The following CDH12 variants were observed in gnomAD, a reference collection of about 807,000 sequenced individuals.
CDH12 encodes the protein cadherin-12.
A neutral mutation model predicts 74.1 loss-of-function variants in CDH12; 41 were observed. The observed-to-expected ratio is 0.55, with a 90% CI of 0.43 to 0.72. CDH12 has a LOEUF of 0.72. Among genes scored for constraint, CDH12 ranks in the 30% least tolerant of loss-of-function variants. The pLI is 0.00. For missense variants in CDH12, 945 were observed against 977.2 expected, an observed-to-expected ratio of 0.97 and a Z score of 0.44; for synonymous variants, 399 against 355.0, an observed-to-expected ratio of 1.12 and a Z score of -1.39.
chr5:22,736,304 T>C lies in CDH12; in HGVS notation c.-523+116754A>G, dbSNP rs116801518. 2.9e-3 allele frequency among the ~76,000 whole-genome samples: 441 copies of C among 151,942 alleles called. 1 individual carries two copies. The highest frequency in any genetic ancestry group is 0.01 in the African/African-American group (418 of 41,544). On this transcript the variant is annotated intron_variant, in intron 1 of 14. Transcript: ENST00000382254. ...TTAGTATAATTACATAATTTGTGTA[T>C]ATAGATGAATGTGTATATATGTATT...
intron 1 of CDH12, among the ~76,000 whole-genome samples, chr5:22,753,553 A>G (rs1462477374): frequency 6.8e-6 from 1 of 146,632 alleles, no homozygotes; most frequent in Non-Finnish European, 1.5e-5. Flanking sequence ...AGGATCTAGT[A>G]TGCTTTGAAA....
At chr5:22,004,803 T>C (rs2150147067) in intron 5 of CDH12, among the ~76,000 whole-genome samples, 1 of 152,258 alleles carries the variant, frequency 6.6e-6, no homozygotes, top group African/African-American at 2.4e-5. Flanking sequence ...ATCTCCCTCC[T>C]ATCCTCCCCA....
chr5:22,137,086 C>A (rs1036682681), intron 4 of CDH12, among the ~76,000 whole-genome samples: 7 of 151,384 alleles, frequency 4.6e-5, no homozygotes, highest in Non-Finnish European at 8.8e-5. Flanking sequence ...TTTAATCTGG[C>A]CTTACAGTAT....
intron 4 of CDH12, among the ~76,000 whole-genome samples, chr5:22,206,493 T>C (rs1447614755): frequency 1.3e-5 from 2 of 152,056 alleles, no homozygotes; most frequent in Non-Finnish European, 1.5e-5. Flanking sequence ...GTTTCTTTTC[T>C]ACAGCTGAAA....
intron 2 of CDH12, among the ~76,000 whole-genome samples, chr5:22,419,502 A>G (rs1434800088): frequency 1.3e-5 from 2 of 152,128 alleles, no homozygotes; most frequent in Non-Finnish European, 1.5e-5. Context: ...ATGGCTGCAT[A>G]GTATTCCATG....
At chr5:21,963,703 T>C (rs1189661557) in intron 6 of CDH12, among the ~76,000 whole-genome samples, 1 of 152,140 alleles carries the variant, frequency 6.6e-6, no homozygotes, top group East Asian at 1.9e-4. Flanking sequence ...CTTTAGTCTG[T>C]TGGTAGAATT....
At chr5:22,386,109 C>T (rs1741988063) in intron 3 of CDH12, among the ~76,000 whole-genome samples, 1 of 151,982 alleles carries the variant, frequency 6.6e-6, no homozygotes, top group African/African-American at 2.4e-5. Context: ...TGAGACTGGT[C>T]TCAAACTCCC....
At chr5:22,139,018 A>C (rs1580309708) in intron 4 of CDH12, among the ~76,000 whole-genome samples, 2 of 150,902 alleles carry the variant, frequency 1.3e-5, no homozygotes, top group African/African-American at 4.8e-5. Flanking sequence ...TACTCCTATA[A>C]CTTTTCTCCC....
chr5:21,954,633 G>A (rs550063027), intron 6 of CDH12, among the ~76,000 whole-genome samples: 3 of 152,020 alleles, frequency 2.0e-5, no homozygotes, highest in African/African-American at 7.2e-5. Flanking sequence ...AATAATCAGA[G>A]CATCTGCCTA....
At position 22,651,699 on chromosome 5, in the gene CDH12, T is replaced by TG. The variant is rs1341431763; in HGVS notation, c.-522-146336dup. On this transcript the variant is annotated intron_variant, in intron 1 of 14. Coordinates refer to ENST00000382254, the MANE Select transcript of CDH12 (RefSeq NM_004061.5). ...AGCTAAGGAGTAGTTGATAGGATGGTGGTTTTTTTTTTTTCAGAGTAATAA... is the reference window on the plus strand; with the variant it reads ...AGCTAAGGAGTAGTTGATAGGATGGTGGGTTTTTTTTTTTTCAGAGTAATAA... Among the ~76,000 whole-genome samples the TG allele has an allele frequency of 2.1e-5, 3 of 143,548 alleles. No homozygotes were observed. The Admixed American group carries it at 2.4e-4, about 11-fold the overall frequency. The allele number at this position is 143,548 out of a possible 152,430, so 94.2% of individuals were successfully genotyped here. A position where few individuals can be genotyped will look rare whatever the true frequency, so the allele number is the denominator to read the frequency against.
intron 3 of CDH12, among the ~76,000 whole-genome samples, chr5:22,317,101 C>T (rs116595903): frequency 0.025 from 3,840 of 152,052 alleles, 70 homozygotes; most frequent in African/African-American, 0.052. Context: ...GCAGATCACC[C>T]GAGCTCAGGA....
intron 1 of CDH12, among the ~76,000 whole-genome samples, chr5:22,551,501 TG>T (rs144738863): frequency 0.04 from 6,132 of 152,210 alleles, 408 homozygotes; most frequent in African/African-American, 0.13. Flanking sequence ...AAAAATATTT[TG>T]TATCAACTTA....
At chr5:21,919,193 G>T (rs1293249733) in intron 6 of CDH12, among the ~76,000 whole-genome samples, 3 of 152,110 alleles carry the variant, frequency 2.0e-5, no homozygotes, top group African/African-American at 7.2e-5. Context: ...ATGTAGGGAT[G>T]ATTTTATTTT....
intron 2 of CDH12, among the ~76,000 whole-genome samples, chr5:22,464,554 A>G (rs1745647666): frequency 6.6e-6 from 1 of 152,096 alleles, no homozygotes; most frequent in Non-Finnish European, 1.5e-5. Context: ...GGAATTCCCT[A>G]TAGTTCTGCC....
At chr5:21,901,621 G>C (rs1234732110) in intron 6 of CDH12, among the ~76,000 whole-genome samples, 1 of 151,888 alleles carries the variant, frequency 6.6e-6, no homozygotes, top group African/African-American at 2.4e-5. Flanking sequence ...TCACATTTTG[G>C]CAAACAACCA....
intron 6 of CDH12, 152 bp from the exon 7 acceptor site, chr5:21,854,942 T>C: frequency 1.8e-6 from 1 of 546,084 alleles, no homozygotes. Context: ...TTAACCGTTA[T>C]AACCAAAATG....
intron 7 of CDH12, among the ~76,000 whole-genome samples, chr5:21,847,061 C>G (rs183252524): frequency 6.6e-6 from 1 of 152,080 alleles, no homozygotes; most frequent in Non-Finnish European, 1.5e-5. Context: ...GAGGTTGGAG[C>G]GTAAGCCAGG....
chr5:22,777,547 A>C (rs1747166004), intron 1 of CDH12, among the ~76,000 whole-genome samples: 1 of 151,884 alleles, frequency 6.6e-6, no homozygotes, highest in Admixed American at 6.6e-5. Context: ...CCTTGCATTA[A>C]ATTTTCAGTG....
chr5:21,872,783 G>GATCGATCTATCT (rs1226388865), intron 6 of CDH12, among the ~76,000 whole-genome samples: 47 of 142,128 alleles, frequency 3.3e-4, no homozygotes, highest in South Asian at 1.1e-3. Context: ...TTAAGAGTAA[G>GATCGATCTATCT]ATCTATCTAT....
Sources: gnomAD v4.1 joint callset for allele counts (sites outside exome capture counted in the v4.1 genomes callset) on GRCh38, gnomAD v4.1.1 for gene constraint, MANE v1.5 for transcripts, NCBI Gene and HGNC (gene_info 2026-07-23, HGNC 2026-07-21) for gene names.